PREX2: variants seen among roughly 807,000 people sequenced by gnomAD.
The protein encoded by PREX2 is phosphatidylinositol-3,4,5-trisphosphate dependent Rac exchange factor 2.
Under a neutral mutation model 203.2 loss-of-function variants are expected in PREX2, and 107 were observed. That is an observed-to-expected ratio of 0.53 (90% confidence interval 0.45 to 0.62). PREX2 has a LOEUF of 0.62. PREX2 is among the 20% of genes least tolerant of loss of function. PREX2 has a pLI of 0.00. For synonymous variants in PREX2, 672 were observed against 663.6 expected (o/e 1.01, Z -0.19); for missense variants, 1,777 against 1,955.9 (o/e 0.91, Z 1.72).
chr8:68,007,611 A>C (rs1237940906), intron 1 of PREX2, among the ~76,000 whole-genome samples: 1 of 152,118 alleles, frequency 6.6e-6, no homozygotes. Context: ...TGTACCAGTT[A>C]CTTTTTTTTT....
chr8:68,134,350 T>C (rs1811068941), intron 32 of PREX2, 74 bp downstream of exon 32: 4 of 1,195,386 alleles, frequency 3.3e-6, no homozygotes, highest in South Asian at 1.3e-5. Context: ...AAATAAGAAG[T>C]AGTTATTTCT....
Position 68,069,820 on chromosome 8 carries a change from C to A in PREX2, c.1444-15C>A, listed in dbSNP as rs868827028. The A allele has an allele frequency of 2.9e-6, 4 of 1,400,308 alleles. No individual in the cohort carries two copies. Among genetic ancestry groups the A allele is most frequent in the African/African-American group, 1.4e-5 (1 of 70,284 alleles). The allele number at this position is 1,400,308 out of a possible 1,614,324, so 86.7% of individuals were successfully genotyped here. On this transcript the variant is annotated splice_polypyrimidine_tract_variant and intron_variant, in intron 12 of 39. Coordinates refer to ENST00000288368, the MANE Select transcript of PREX2 (RefSeq NM_024870.4). ...GTAATCTCACTTGTTTTTGATATAT[C>A]TCTATTTTACGTAGGGTGTAAGATT... is the stretch of plus-strand genomic sequence containing the variant.
At chr8:68,140,371 G>A (rs1048465419) in intron 33 of PREX2, among the ~76,000 whole-genome samples, 20 of 152,184 alleles carry the variant, frequency 1.3e-4, no homozygotes, top group Admixed American at 6.5e-5. Flanking sequence ...TAAAAACAGC[G>A]AAGATAGGAA....
In PREX2 at chr8:68,231,329, C is replaced by T. The variant is rs201940757; in HGVS notation, c.4776-4C>T. ...ACTGTCAAACTTTACCATGCCTTTT[C>T]TAGGCTGTACAAGCTGTGCGAGCCA... On this transcript the variant is annotated splice_polypyrimidine_tract_variant and splice_region_variant and intron_variant, in intron 39 of 39. Transcript: ENST00000288368. The T allele has an allele frequency of 3.4e-4, 534 of 1,588,762 alleles. 6 individuals are homozygous for T. The South Asian group carries it at 5.8e-3, about 17-fold the overall frequency.
At chr8:67,995,381 T>A (rs1250008019) in intron 1 of PREX2, among the ~76,000 whole-genome samples, 1 of 152,200 alleles carries the variant, frequency 6.6e-6, no homozygotes, top group Non-Finnish European at 1.5e-5. Context: ...TTTGTAGTCC[T>A]AAATAAAGCC....
At chr8:68,130,657 A>G (rs904277723) in intron 31 of PREX2, among the ~76,000 whole-genome samples, 4 of 152,224 alleles carry the variant, frequency 2.6e-5, no homozygotes, top group African/African-American at 9.6e-5. Flanking sequence ...CTGATACCTA[A>G]AATATGGCTT....
intron 39 of PREX2, among the ~76,000 whole-genome samples, chr8:68,228,891 A>C (rs958963676): frequency 1.1e-4 from 16 of 142,602 alleles, no homozygotes; most frequent in African/African-American, 4.2e-4. Flanking sequence ...GCAGTGAGCT[A>C]TGGTTGTACC....
intron 34 of PREX2, among the ~76,000 whole-genome samples, chr8:68,154,369 A>G (rs1348308685): frequency 6.6e-6 from 1 of 152,244 alleles, no homozygotes; most frequent in Admixed American, 6.5e-5. Flanking sequence ...AACCATAATT[A>G]GTAGGTACTT....
chr8:68,042,479 G>A (rs1808228201), intron 7 of PREX2, among the ~76,000 whole-genome samples: 1 of 151,886 alleles, frequency 6.6e-6, no homozygotes, highest in Non-Finnish European at 1.5e-5. Flanking sequence ...TCCATTTTGT[G>A]TGTAGCAAAA....
intron 1 of PREX2, among the ~76,000 whole-genome samples, chr8:68,006,459 C>T (rs1048212799): frequency 1.3e-5 from 2 of 152,178 alleles, no homozygotes; most frequent in Non-Finnish European, 2.9e-5. Flanking sequence ...GCTAACCTTT[C>T]TTCACAACCA....
At chr8:68,195,883 G>A (rs1415105618) in intron 37 of PREX2, among the ~76,000 whole-genome samples, 1 of 152,144 alleles carries the variant, frequency 6.6e-6, no homozygotes, top group African/African-American at 2.4e-5. Flanking sequence ...TATTGTATGT[G>A]TTTGATATTA....
At chr8:68,058,437 T>G (rs1221438328) in intron 10 of PREX2, among the ~76,000 whole-genome samples, 1 of 133,268 alleles carries the variant, frequency 7.5e-6, no homozygotes, top group African/African-American at 3.7e-5. Flanking sequence ...GACATTGACA[T>G]TCTTTTTTTT....
At chr8:68,000,986 C>T (rs181651250) in intron 1 of PREX2, among the ~76,000 whole-genome samples, 19 of 152,326 alleles carry the variant, frequency 1.2e-4, no homozygotes, top group Admixed American at 9.1e-4. Context: ...AAATCCAAAA[C>T]TGTAGAAACC....
At chr8:68,219,578 T>G (rs1377467918) in intron 38 of PREX2, among the ~76,000 whole-genome samples, 1 of 152,196 alleles carries the variant, frequency 6.6e-6, no homozygotes, top group Non-Finnish European at 1.5e-5. Flanking sequence ...GCTTTCTTCC[T>G]TTGTTATTTG....
chr8:68,196,730 C>G (rs903548070), intron 37 of PREX2, among the ~76,000 whole-genome samples: 2 of 150,804 alleles, frequency 1.3e-5, no homozygotes, highest in African/African-American at 4.9e-5. Flanking sequence ...CACCTCCCCC[C>G]CCCAACTCTC....
intron 1 of PREX2, among the ~76,000 whole-genome samples, chr8:67,976,407 AGAGAGACAG>A (rs1806086533): frequency 6.6e-6 from 1 of 151,592 alleles, no homozygotes; most frequent in African/African-American, 2.4e-5. Context: ...AGAGAGAGAG[AGAGAGACAG>A]GAGAGAGACA....
rs1488387129 is a variant in PREX2, at chr8:68,232,282, A to T, written c.*904A>T. 6.6e-6 allele frequency: 1 copy of T among 152,128 alleles called. No individual in the cohort carries two copies. Among genetic ancestry groups the T allele is most frequent in the Non-Finnish European group, 1.5e-5 (1 of 68,012 alleles). 9.4% of individuals were successfully genotyped at this position (152,128 alleles called of 1,614,324 possible). A position where few individuals can be genotyped will look rare whatever the true frequency, so the allele number is the denominator to read the frequency against. On this transcript the variant is annotated 3_prime_UTR_variant, in exon 40 of 40. Transcript: ENST00000288368. Reference sequence around the variant, plus strand: ...TGAAGGCTCTCATATGAGAGGTCAGACTCTTCAAAGAATACACCATCATGA... The same window carrying T: ...TGAAGGCTCTCATATGAGAGGTCAGTCTCTTCAAAGAATACACCATCATGA...
chr8:67,952,427 C>T lies in PREX2; in HGVS notation c.33C>T (p.Ala11=). 6.3e-7 allele frequency: 1 copy of T among 1,578,620 alleles called. No individual in the cohort carries two copies. The highest frequency in any genetic ancestry group is 8.6e-7 in the Non-Finnish European group (1 of 1,163,394). Residue 11 remains alanine (A), a synonymous_variant, in exon 1 of 40, where the codon GCC becomes GCT. Coordinates refer to ENST00000288368, the MANE Select transcript of PREX2 (RefSeq NM_024870.4). The stretch of plus-strand genomic sequence containing the variant: ...AGGACAGCCGCGGAGACAGCCGCGC[C>T]GAGAGCGCCAAGGACCTGGAGAAGC... MSEDSRGDSR[A]ESAKDLEKQL...
chr8:68,174,810 C>G (rs1811947448), intron 35 of PREX2, among the ~76,000 whole-genome samples: 1 of 152,114 alleles, frequency 6.6e-6, no homozygotes, highest in South Asian at 2.1e-4. Context: ...CCAGAGCAAC[C>G]AAACCAGGAC....
Sources: gnomAD v4.1 joint callset for allele counts (sites outside exome capture counted in the v4.1 genomes callset) on GRCh38, gnomAD v4.1.1 for gene constraint, MANE v1.5 for transcripts, NCBI Gene and HGNC (gene_info 2026-07-23, HGNC 2026-07-21) for gene names.